Variants in PLEKHA8 observed in about 807,000 individuals in gnomAD.
The protein encoded by PLEKHA8 is pleckstrin homology domain-containing family A member 8.
A neutral mutation model predicts 68.2 loss-of-function variants in PLEKHA8; 36 were observed. The ratio of observed to expected loss-of-function variants is 0.53; its 90% CI spans 0.40 to 0.70. The LOEUF (loss-of-function observed/expected upper bound fraction) is 0.70, where lower values mean the gene tolerates loss of function less well. Ranked by LOEUF, PLEKHA8 falls within the 30% of genes least tolerant of loss-of-function variation. The probability of loss-of-function intolerance (pLI) is 0.00; values close to 1 mark genes in which losing one functional copy is unlikely to be tolerated. For synonymous variants in PLEKHA8, 211 were observed against 216.1 expected (o/e 0.98, Z 0.20); for missense variants, 505 against 615.4 (o/e 0.82, Z 1.90).
intron 13 of PLEKHA8, among the ~76,000 whole-genome samples, chr7:30,118,723 G>A (rs1013506679): frequency 3.3e-5 from 5 of 152,158 alleles, no homozygotes; most frequent in South Asian, 2.1e-4. Context: ...GACTACAGGC[G>A]CCCGCCGCCA....
intron 7 of PLEKHA8, 120 bp downstream of exon 7, chr7:30,052,986 G>T: frequency 1.3e-6 from 1 of 765,676 alleles, no homozygotes; most frequent in Non-Finnish European, 2.0e-6. Context: ...TGCTAAGGAG[G>T]ATATTGGCTG....
At chr7:30,116,225 C>T (rs187024493) in intron 13 of PLEKHA8, among the ~76,000 whole-genome samples, 31 of 148,736 alleles carry the variant, frequency 2.1e-4, no homozygotes, top group Middle Eastern at 3.5e-3. Flanking sequence ...TATGTATATA[C>T]GTATACATGT....
intron 1 of PLEKHA8, among the ~76,000 whole-genome samples, chr7:30,038,573 G>T (rs1452386625): frequency 6.6e-6 from 1 of 152,182 alleles, no homozygotes; most frequent in Non-Finnish European, 1.5e-5. Flanking sequence ...AATTTTGGTA[G>T]AATGGAATTT....
intron 3 of PLEKHA8, among the ~76,000 whole-genome samples, chr7:30,047,591 G>A (rs974537009): frequency 5.3e-5 from 8 of 152,100 alleles, no homozygotes; most frequent in East Asian, 3.9e-4. Context: ...GTGATTATTC[G>A]GTATATTGCC....
chr7:30,037,351 T>C (rs750202894), intron 1 of PLEKHA8, among the ~76,000 whole-genome samples: 5 of 152,210 alleles, frequency 3.3e-5, no homozygotes, highest in Non-Finnish European at 5.9e-5. Flanking sequence ...AAAATTTGTT[T>C]GGAAACAGGG....
At chr7:30,093,698 C>T (rs1009045771), downstream of PLEKHA8, among the ~76,000 whole-genome samples, 4 of 152,226 alleles carry the variant, frequency 2.6e-5, no homozygotes, top group African/African-American at 9.6e-5. Flanking sequence ...GCCTTACTCT[C>T]CTGGACAGGC....
At position 30,082,674 on chromosome 7, in the gene PLEKHA8, A is replaced by T; in HGVS notation, c.*3887A>T. On this transcript the variant is annotated 3_prime_UTR_variant, in exon 14 of 14. Transcript: ENST00000449726. Reference sequence around the variant, plus strand: ...AAGTGTTTTTAATTAAAAATATGTGATAGGGACCAAATAAGTAAAGTACAT... The same window carrying T: ...AAGTGTTTTTAATTAAAAATATGTGTTAGGGACCAAATAAGTAAAGTACAT... The T allele has an allele frequency of 2.0e-6, 2 of 984,314 alleles. No individual in the cohort carries two copies. Among genetic ancestry groups the T allele is most frequent in the Non-Finnish European group, 2.4e-6 (2 of 828,902 alleles). The allele number at this position is 984,314 out of a possible 1,614,324, so 61.0% of individuals were successfully genotyped here.
chr7:30,118,346 T>C, intron 13 of PLEKHA8: 1 of 222,802 alleles, frequency 4.5e-6, no homozygotes, highest in African/African-American at 2.3e-5. Context: ...ATTGCTTGCC[T>C]ATTTGAGTTT....
downstream of PLEKHA8, among the ~76,000 whole-genome samples, chr7:30,086,241 G>A (rs182069338): frequency 6.6e-6 from 1 of 152,312 alleles, no homozygotes; most frequent in East Asian, 1.9e-4. Context: ...GTCTGTATGG[G>A]CTCTGCTTAT....
At chr7:30,066,538 T>G (rs185692961) in intron 12 of PLEKHA8, among the ~76,000 whole-genome samples, 23 of 152,324 alleles carry the variant, frequency 1.5e-4, no homozygotes, top group African/African-American at 5.3e-4. Flanking sequence ...TAACATTCTT[T>G]AGAGGTCATT....
intron 13 of PLEKHA8, chr7:30,075,051 G>A (rs1231042845): frequency 6.6e-6 from 1 of 152,140 alleles, no homozygotes; most frequent in Non-Finnish European, 1.5e-5. Flanking sequence ...CTCATAGAAT[G>A]TACTCACATT....
chr7:30,102,649 G>A (rs1303372522), intron 13 of PLEKHA8, among the ~76,000 whole-genome samples: 3 of 152,240 alleles, frequency 2.0e-5, no homozygotes, highest in Non-Finnish European at 4.4e-5. Context: ...GAAATATTAT[G>A]TGAAGTGAAA....
chr7:30,081,184 C>T lies in PLEKHA8; in HGVS notation c.*2397C>T, dbSNP rs1302022226. 1.0e-6 allele frequency: 1 copy of T among 985,264 alleles called. No homozygotes were observed. The highest frequency in any genetic ancestry group is 1.7e-5 in the African/African-American group (1 of 57,236). 61.0% of individuals were successfully genotyped at this position (985,264 alleles called of 1,614,324 possible). A position where few individuals can be genotyped will look rare whatever the true frequency, so the allele number is the denominator to read the frequency against. ...GAGATCATTGAGAACCCAGATCAGA[C>T]AGAATAGCTTGAATAAGTTACATTT... is the stretch of plus-strand genomic sequence containing the variant. On this transcript the variant is annotated 3_prime_UTR_variant, in exon 14 of 14. Transcript: ENST00000449726.
chr7:30,084,035 A>G lies in PLEKHA8; in HGVS notation c.*5248A>G, dbSNP rs1562540159. 4.1e-6 allele frequency: 4 copies of G among 985,420 alleles called. No homozygotes were observed. Among genetic ancestry groups the G allele is most frequent in the Non-Finnish European group, 4.8e-6 (4 of 829,936 alleles). The allele number at this position is 985,420 out of a possible 1,614,324, so 61.0% of individuals were successfully genotyped here. A position where few individuals can be genotyped will look rare whatever the true frequency, so the allele number is the denominator to read the frequency against. The stretch of plus-strand genomic sequence containing the variant: ...TGTATAATTCCCATGTATCATGAGA[A>G]TTTCACTAGAATGTCATTAAACAGC... On this transcript the variant is annotated 3_prime_UTR_variant, in exon 14 of 14. Coordinates refer to ENST00000449726, the MANE Select transcript of PLEKHA8 (RefSeq NM_001197026.2).
chr7:30,088,817 A>G (rs1341405014), downstream of PLEKHA8, among the ~76,000 whole-genome samples: 2 of 151,486 alleles, frequency 1.3e-5, no homozygotes. Flanking sequence ...GATGCAGAAC[A>G]CTCATTGAAA....
chr7:30,056,768 T>A, intron 9 of PLEKHA8, among the ~76,000 whole-genome samples: 1 of 134,122 alleles, frequency 7.5e-6, no homozygotes, highest in African/African-American at 2.8e-5. Flanking sequence ...TGTGTGTGTG[T>A]GTGTGTGTGT....
At chr7:30,104,487 C>G (rs1795987465) in intron 13 of PLEKHA8, among the ~76,000 whole-genome samples, 1 of 152,116 alleles carries the variant, frequency 6.6e-6, no homozygotes, top group South Asian at 2.1e-4. Context: ...GAATACCACT[C>G]AGCAATAACA....
intron 1 of PLEKHA8, among the ~76,000 whole-genome samples, chr7:30,042,405 A>C (rs542860717): frequency 1.3e-5 from 2 of 152,372 alleles, no homozygotes; most frequent in South Asian, 4.1e-4. Flanking sequence ...TAAATTTGAT[A>C]AAATACAGTA....
chr7:30,064,621 T>G (rs926115533), intron 12 of PLEKHA8, among the ~76,000 whole-genome samples: 2 of 152,166 alleles, frequency 1.3e-5, no homozygotes, highest in Non-Finnish European at 2.9e-5. Context: ...TAATGATGTT[T>G]TGTCATCATT....
Sources: allele counts gnomAD v4.1 joint callset (sites outside exome capture counted in the v4.1 genomes callset), GRCh38; gene constraint gnomAD v4.1.1; transcripts MANE v1.5; gene names NCBI Gene and HGNC (gene_info 2026-07-23, HGNC 2026-07-21).